Variants in ETFRF1 observed in about 807,000 individuals in gnomAD.
ETFRF1 encodes the protein electron transfer flavoprotein regulatory factor 1.
Under a neutral mutation model 9.0 loss-of-function variants are expected in ETFRF1, and 12 were observed. The ratio of observed to expected loss-of-function variants is 1.34; its 90% CI spans 0.86 to 2.16. The LOEUF (loss-of-function observed/expected upper bound fraction) is 2.16, where lower values mean the gene tolerates loss of function less well. Ranked by LOEUF, ETFRF1 falls within the 30% of genes most tolerant of loss-of-function variation. ETFRF1 has a pLI of 0.00. For missense variants in ETFRF1, 98 were observed against 101.8 expected, an observed-to-expected ratio of 0.96 and a Z score of 0.16; for synonymous variants, 34 against 33.2, an observed-to-expected ratio of 1.02 and a Z score of -0.08.
Position 25,197,194 on chromosome 12 carries a change from A to G in ETFRF1, c.-38+1857A>G, listed in dbSNP as rs549046622. Among the ~76,000 whole-genome samples the G allele has an allele frequency of 2.6e-5, 4 of 152,284 alleles. No homozygotes were observed. In the South Asian group the frequency reaches 8.3e-4, roughly 32 times the overall value. On this transcript the variant is annotated intron_variant, in intron 1 of 2. Coordinates refer to ENST00000381356, the MANE Select transcript of ETFRF1 (RefSeq NM_001001660.3). ...TAAACTGCATTAATTCATATAAGTT[A>G]ACATATCAAAGAAGAACAAATTTGC... is the stretch of plus-strand genomic sequence containing the variant.
Position 25,204,012 on chromosome 12 carries a change from G to GTAAT in ETFRF1, c.51+8_51+11dup, listed in dbSNP as rs749494980. ...GTACTAAAACTTTATAAAAATGTAA[G>GTAAT]TAATTATGTTGCCAATTTTATAAAA... On this transcript the variant is annotated splice_donor_region_variant and intron_variant, in intron 2 of 2. Transcript: ENST00000381356. 2.0e-6 allele frequency: 3 copies of GTAAT among 1,514,754 alleles called. No individual in the cohort carries two copies. Among genetic ancestry groups the GTAAT allele is most frequent in the Non-Finnish European group, 8.8e-7 (1 of 1,131,358 alleles). 93.8% of individuals were successfully genotyped at this position (1,514,754 alleles called of 1,614,324 possible). A position where few individuals can be genotyped will look rare whatever the true frequency, so the allele number is the denominator to read the frequency against.
chr12:25,197,197 A>AT (rs1491548724), intron 1 of ETFRF1, among the ~76,000 whole-genome samples: 1 of 152,156 alleles, frequency 6.6e-6, no homozygotes, highest in Non-Finnish European at 1.5e-5. Context: ...ATAAGTTAAC[A>AT]TATCAAAGAA....
chr12:25,201,630 CTA>C (rs983895587), intron 1 of ETFRF1, among the ~76,000 whole-genome samples: 72 of 152,136 alleles, frequency 4.7e-4, no homozygotes, highest in African/African-American at 1.6e-3. Flanking sequence ...TATGCAGTTT[CTA>C]TGTCTAATAC....
rs1240995064 is a variant in ETFRF1 at position 25,195,255 on chromosome 12, T to A, written c.-120T>A. 3 of 678,832 alleles carry A rather than the reference T, an allele frequency of 4.4e-6. No homozygotes were observed. The highest frequency in any genetic ancestry group is 7.9e-6 in the Non-Finnish European group (3 of 380,942). The allele number at this position is 678,832 out of a possible 1,614,324, so 42.1% of individuals were successfully genotyped here. ...CCCCTTTACTGACAGGTTGCCCACCTCCCCCAACGCCACCCCGCTTCGCAG... is the reference window on the plus strand; with the variant it reads ...CCCCTTTACTGACAGGTTGCCCACCACCCCCAACGCCACCCCGCTTCGCAG... On this transcript the variant is annotated 5_prime_UTR_variant, in exon 1 of 3. Coordinates refer to ENST00000381356, the MANE Select transcript of ETFRF1 (RefSeq NM_001001660.3).
rs1014749169 is a variant in ETFRF1, at chr12:25,204,796, A to C, written c.*484A>C. On this transcript the variant is annotated 3_prime_UTR_variant, in exon 3 of 3. Transcript: ENST00000381356. ...ACTACAAAACAAACAGTTCCTGGTA[A>C]TGATTTAAATGTAGTTATAGAAATA... The C allele has an allele frequency of 1.1e-5, 2 of 187,456 alleles. No homozygotes were observed. Among genetic ancestry groups the C allele is most frequent in the Non-Finnish European group, 2.3e-5 (2 of 88,556 alleles). 11.6% of individuals were successfully genotyped at this position (187,456 alleles called of 1,614,324 possible).
At chr12:25,201,832 T>G (rs951947420) in intron 1 of ETFRF1, among the ~76,000 whole-genome samples, 1 of 152,068 alleles carries the variant, frequency 6.6e-6, no homozygotes. Context: ...TAGCGCATGA[T>G]TTTTAATTGA....
chr12:25,196,301 G>T (rs929512403), intron 1 of ETFRF1: 11 of 152,316 alleles, frequency 7.2e-5, no homozygotes, highest in Non-Finnish European at 1.5e-4. Flanking sequence ...TGATATGAAA[G>T]TTAAGGCTTC....
chr12:25,197,512 G>A (rs1333541681), intron 1 of ETFRF1, among the ~76,000 whole-genome samples: 1 of 152,164 alleles, frequency 6.6e-6, no homozygotes, highest in African/African-American at 2.4e-5. Flanking sequence ...TTTTGCCCAG[G>A]TTGGAGTGGT....
rs977727993 is a variant in ETFRF1, at chr12:25,203,996, C to T, written c.40C>T (p.Leu14Phe). 6.6e-7 allele frequency: 1 copy of T among 1,505,504 alleles called. No individual in the cohort carries two copies. The highest frequency in any genetic ancestry group is 8.9e-7 in the Non-Finnish European group (1 of 1,126,960). 93.3% of individuals were successfully genotyped at this position (1,505,504 alleles called of 1,614,324 possible). Residue 14 changes from leucine (L) to phenylalanine (F), a missense_variant, in exon 2 of 3, where the codon CTT becomes TTT. Coordinates refer to ENST00000381356, the MANE Select transcript of ETFRF1 (RefSeq NM_001001660.3). Reference sequence around the variant, plus strand: ...TTCTTTAAGAGGAGAAGTACTAAAACTTTATAAAAATGTAAGTAATTATGT... The same window carrying T: ...TTCTTTAAGAGGAGAAGTACTAAAATTTTATAAAAATGTAAGTAATTATGT... Reference protein sequence around the residue: ...ANSLRGEVLKLYKNLLYLGRD... With the variant: ...ANSLRGEVLKFYKNLLYLGRD...
chr12:25,196,769 A>G (rs1422389888), intron 1 of ETFRF1, among the ~76,000 whole-genome samples: 1 of 152,224 alleles, frequency 6.6e-6, no homozygotes, highest in Non-Finnish European at 1.5e-5. Flanking sequence ...GCTGAACTCA[A>G]AATTGTTTAT....
intron 1 of ETFRF1, among the ~76,000 whole-genome samples, chr12:25,202,928 C>T (rs909244981): frequency 7.2e-5 from 11 of 152,154 alleles, no homozygotes; most frequent in Non-Finnish European, 1.3e-4. Flanking sequence ...GCAGCTTTGT[C>T]ACTTAGAGGA....
intron 1 of ETFRF1, among the ~76,000 whole-genome samples, chr12:25,199,132 A>G (rs1951053777): frequency 6.6e-6 from 1 of 151,676 alleles, no homozygotes; most frequent in Admixed American, 6.6e-5. Flanking sequence ...AATTTGGTTC[A>G]TATATATACA....
intron 1 of ETFRF1, among the ~76,000 whole-genome samples, chr12:25,199,038 C>T (rs1461909438): frequency 2.0e-5 from 3 of 152,082 alleles, no homozygotes; most frequent in Non-Finnish European, 4.4e-5. Context: ...TGTTCTTAGA[C>T]TTTGGCTGGC....
intron 1 of ETFRF1, among the ~76,000 whole-genome samples, chr12:25,203,021 GT>G (rs747561550): frequency 1.3e-5 from 2 of 152,264 alleles, no homozygotes; most frequent in Non-Finnish European, 2.9e-5. Context: ...CCAGATTATA[GT>G]TTCTAAATGC....
chr12:25,201,901 A>T (rs1189489933), intron 1 of ETFRF1, among the ~76,000 whole-genome samples: 1 of 151,778 alleles, frequency 6.6e-6, no homozygotes, highest in Non-Finnish European at 1.5e-5. Flanking sequence ...ATAACCCTTA[A>T]AACTGATCTA....
chr12:25,204,682 TTC>T lies in ETFRF1; in HGVS notation c.*372_*373del, dbSNP rs1951113735. ...CCGAACATTTAATAAGCAAAATAAT[TTC>T]TTACACACTTACTTCTCTTAACTTT... On this transcript the variant is annotated 3_prime_UTR_variant, in exon 3 of 3. Coordinates refer to ENST00000381356, the MANE Select transcript of ETFRF1 (RefSeq NM_001001660.3). The T allele has an allele frequency of 1.3e-5, 2 of 151,558 alleles. No individual in the cohort carries two copies. Among genetic ancestry groups the T allele is most frequent in the Non-Finnish European group, 2.8e-5 (2 of 72,172 alleles). 9.4% of individuals were successfully genotyped at this position (151,558 alleles called of 1,614,324 possible).
rs187933956 is a variant in ETFRF1, at chr12:25,204,466, C to G, written c.*154C>G. 10 of 508,756 alleles carry G rather than the reference C, an allele frequency of 2.0e-5. No individual in the cohort carries two copies. Among genetic ancestry groups the G allele is most frequent in the African/African-American group, 5.9e-5 (3 of 50,428 alleles). 31.5% of individuals were successfully genotyped at this position (508,756 alleles called of 1,614,324 possible). Reference sequence around the variant, plus strand: ...AAATAGGTTTCAACTTCTGTTCATACGGAGAAAGTATCAGCAACTTTATGC... The same window carrying G: ...AAATAGGTTTCAACTTCTGTTCATAGGGAGAAAGTATCAGCAACTTTATGC... On this transcript the variant is annotated 3_prime_UTR_variant, in exon 3 of 3. Coordinates refer to ENST00000381356, the MANE Select transcript of ETFRF1 (RefSeq NM_001001660.3).
At position 25,195,350 on chromosome 12, in the gene ETFRF1, C is replaced by A. The variant is rs2141456533; in HGVS notation, c.-38+13C>A. On this transcript the variant is annotated intron_variant, in intron 1 of 2. Coordinates refer to ENST00000381356, the MANE Select transcript of ETFRF1 (RefSeq NM_001001660.3). The stretch of plus-strand genomic sequence containing the variant: ...GGCGTGCCGGAAAGTGCGTGAGTGC[C>A]GCCGCCGGGGAGTTTTGTTCCATTT... 11 of 594,592 alleles carry A rather than the reference C, an allele frequency of 1.9e-5. No individual in the cohort carries two copies. In the South Asian group the frequency reaches 2.0e-4, roughly 11 times the overall value. The allele number at this position is 594,592 out of a possible 1,614,324, so 36.8% of individuals were successfully genotyped here. A position where few individuals can be genotyped will look rare whatever the true frequency, so the allele number is the denominator to read the frequency against.
intron 1 of ETFRF1, among the ~76,000 whole-genome samples, chr12:25,201,753 A>G (rs1382026287): frequency 2.6e-5 from 4 of 152,054 alleles, no homozygotes; most frequent in Non-Finnish European, 5.9e-5. Context: ...TGAGGTCACA[A>G]TGAGAATCTA....
Sources: gnomAD v4.1 joint callset for allele counts (sites outside exome capture counted in the v4.1 genomes callset) on GRCh38, gnomAD v4.1.1 for gene constraint, MANE v1.5 for transcripts, NCBI Gene and HGNC (gene_info 2026-07-23, HGNC 2026-07-21) for gene names.